The following BCO2 variants were observed in gnomAD, a reference collection of about 807,000 sequenced individuals.
The protein encoded by BCO2 is carotenoid-cleaving dioxygenase, mitochondrial.
Under a neutral mutation model 65.8 loss-of-function variants are expected in BCO2, and 56 were observed. The observed-to-expected ratio is 0.85, with a 90% CI of 0.69 to 1.06. BCO2 has a LOEUF of 1.06. BCO2 is among the 50% of genes least tolerant of loss of function. The pLI is 0.00. For synonymous variants in BCO2, 233 were observed against 242.3 expected (o/e 0.96, Z 0.36); for missense variants, 675 against 698.5 (o/e 0.97, Z 0.38).
At chr11:112,205,896 G>C (rs1347398247) in intron 8 of BCO2, among the ~76,000 whole-genome samples, 2 of 152,076 alleles carry the variant, frequency 1.3e-5, no homozygotes, top group Non-Finnish European at 2.9e-5. Context: ...ACCACACCTG[G>C]CCTCTATTTT....
intron 11 of BCO2, among the ~76,000 whole-genome samples, chr11:112,216,636 C>A (rs1002486428): frequency 6.6e-6 from 1 of 152,148 alleles, no homozygotes; most frequent in African/African-American, 2.4e-5. Context: ...GTAAAGTAAA[C>A]AAGTTGAAGT....
chr11:112,199,236 G>T (rs1867663495), intron 5 of BCO2, among the ~76,000 whole-genome samples: 1 of 152,120 alleles, frequency 6.6e-6, no homozygotes, highest in Non-Finnish European at 1.5e-5. Flanking sequence ...GTGTTAGTTT[G>T]CTGAGAATGA....
chr11:112,180,601 C>T (rs1352266967), intron 2 of BCO2, among the ~76,000 whole-genome samples: 2 of 151,922 alleles, frequency 1.3e-5, no homozygotes, highest in Admixed American at 6.6e-5. Flanking sequence ...ACTGGCTGAG[C>T]CCTGGGTGTG....
intron 8 of BCO2, among the ~76,000 whole-genome samples, chr11:112,205,346 C>A (rs538006551): frequency 6.6e-6 from 1 of 152,280 alleles, no homozygotes; most frequent in African/African-American, 2.4e-5. Flanking sequence ...TAATAGCCAT[C>A]CTTATGAGTG....
chr11:112,179,402 A>G lies in BCO2; in HGVS notation c.213A>G (p.Arg71=). The G allele has an allele frequency of 1.2e-6, 2 of 1,614,194 alleles. No homozygotes were observed. Among genetic ancestry groups the G allele is most frequent in the Admixed American group, 1.7e-5 (1 of 60,022 alleles). The part of the protein sequence containing the change: ...VEEAPRGISA[R]VWGHFPKWLN... ...AGGCTCCACGGGGCATCTCTGCTCGAGTCTGGGGACATTTTCCTAAGTGGC... is the reference window on the plus strand; with the variant it reads ...AGGCTCCACGGGGCATCTCTGCTCGGGTCTGGGGACATTTTCCTAAGTGGC... The change falls in exon 2 of 12, where the codon CGA becomes CGG. Residue 71 remains arginine, a synonymous_variant. Transcript: ENST00000357685.
chr11:112,206,518 G>A (rs1055044286), intron 8 of BCO2, among the ~76,000 whole-genome samples: 1 of 152,158 alleles, frequency 6.6e-6, no homozygotes, highest in African/African-American at 2.4e-5. Flanking sequence ...CAGCACTTTG[G>A]GAGGCCAAGG....
intron 8 of BCO2, among the ~76,000 whole-genome samples, chr11:112,212,122 T>C (rs1859529107): frequency 6.6e-6 from 1 of 152,236 alleles, no homozygotes; most frequent in South Asian, 2.1e-4. Flanking sequence ...TTCTGCATGC[T>C]ACAGAGATCA....
intron 10 of BCO2, 123 bp from the exon 11 acceptor site, chr11:112,216,097 C>T (rs1859668939): frequency 1.5e-6 from 1 of 689,334 alleles, no homozygotes; most frequent in Non-Finnish European, 2.6e-6. Context: ...CCAGCATGAG[C>T]TTTGGAGGGG....
chr11:112,206,258 C>T (rs1056336456), intron 8 of BCO2, among the ~76,000 whole-genome samples: 11 of 151,518 alleles, frequency 7.3e-5, no homozygotes, highest in East Asian at 3.9e-4. Flanking sequence ...CGGGCAGAGG[C>T]GCTCCTCACT....
rs561590794 is a variant in BCO2 at position 112,191,250 on chromosome 11, C to A, written c.294-2224C>A. Among the ~76,000 whole-genome samples, 81 of 151,770 alleles carry A rather than the reference C, an allele frequency of 5.3e-4. 3 individuals are homozygous for A. In the South Asian group the frequency reaches 0.017, roughly 32 times the overall value. ...ATCATATTACTATAATGTATTAATC[C>A]TGGAAAACCATAGAGGATCAATGAT... is the stretch of plus-strand genomic sequence containing the variant. On this transcript the variant is annotated intron_variant, in intron 2 of 11. Transcript: ENST00000357685.
Position 112,192,925 on chromosome 11 carries a change from G to GT in BCO2, c.294-531dup, listed in dbSNP as rs71060229. 2.0e-3 allele frequency among the ~76,000 whole-genome samples: 72 copies of GT among 36,664 alleles called. 2 individuals are homozygous for GT. The highest frequency in any genetic ancestry group is 6.2e-3 in the African/African-American group (59 of 9,534). The allele number at this position is 36,664 out of a possible 152,430, so 24.1% of individuals were successfully genotyped here. ...CAATAGGGGTTTTCTAAAATGTGAG[G>GT]TTTTTTTTTTTTTTTTTTGACAGGG... On this transcript the variant is annotated intron_variant, in intron 2 of 11. Transcript: ENST00000357685.
chr11:112,203,979 G>A (rs1237072681), intron 8 of BCO2, among the ~76,000 whole-genome samples: 1 of 151,786 alleles, frequency 6.6e-6, no homozygotes, highest in Non-Finnish European at 1.5e-5. Context: ...TCAGCCTCCC[G>A]AGTAGCTGGG....
chr11:112,215,554 C>CA (rs1413518364), intron 10 of BCO2: 4 of 153,442 alleles, frequency 2.6e-5, no homozygotes, highest in African/African-American at 9.7e-5. Context: ...ACTAAAAATA[C>CA]AAAAATTAGC....
rs181249733 is a variant in BCO2, at chr11:112,188,630, T to C, written c.294-4844T>C. On this transcript the variant is annotated intron_variant, in intron 2 of 11. Coordinates refer to ENST00000357685, the MANE Select transcript of BCO2 (RefSeq NM_031938.7). ...CTTCTGACCCTTCCTCCTTCCATCA[T>C]CTCTGCCCTTGTCCTCTCTGCAATT... Among the ~76,000 whole-genome samples, 13 of 152,258 alleles carry C rather than the reference T, an allele frequency of 8.5e-5. No individual in the cohort carries two copies. The East Asian group carries it at 1.3e-3, about 16-fold the overall frequency.
chr11:112,186,908 T>C (rs1867215584), intron 2 of BCO2, among the ~76,000 whole-genome samples: 1 of 152,174 alleles, frequency 6.6e-6, no homozygotes, highest in South Asian at 2.1e-4. Context: ...TCAGCACCTT[T>C]AGTCTCTACC....
At chr11:112,217,549 A>G (rs1394990116) in intron 11 of BCO2, among the ~76,000 whole-genome samples, 1 of 151,874 alleles carries the variant, frequency 6.6e-6, no homozygotes, top group Non-Finnish European at 1.5e-5. Flanking sequence ...TTTTATAGAG[A>G]TGGGGTTTTG....
chr11:112,215,683 T>A (rs1566803585), intron 10 of BCO2: 3 of 149,422 alleles, frequency 2.0e-5, no homozygotes, highest in African/African-American at 5.0e-5. Flanking sequence ...CACTCCAGCC[T>A]GGCGACAGTG....
intron 2 of BCO2, among the ~76,000 whole-genome samples, chr11:112,189,445 G>A (rs551837538): frequency 4.6e-4 from 65 of 142,506 alleles, no homozygotes; most frequent in African/African-American, 1.5e-3. Flanking sequence ...TCACTCTGTC[G>A]CCCAGGTTGG....
In BCO2 at chr11:112,217,965, G is replaced by C. The variant is rs1409839419; in HGVS notation, c.*91G>C. 2.2e-5 allele frequency: 20 copies of C among 899,272 alleles called. No homozygotes were observed. The highest frequency in any genetic ancestry group is 2.7e-5 in the Non-Finnish European group (16 of 584,716). The allele number at this position is 899,272 out of a possible 1,614,324, so 55.7% of individuals were successfully genotyped here. A position where few individuals can be genotyped will look rare whatever the true frequency, so the allele number is the denominator to read the frequency against. ...GAAATAAACACTGAGGACTCCAAAA[G>C]GGGGGCAAGGAGGAAGAGGGGCAGG... is the stretch of plus-strand genomic sequence containing the variant. On this transcript the variant is annotated 3_prime_UTR_variant, in exon 12 of 12. Coordinates refer to ENST00000357685, the MANE Select transcript of BCO2 (RefSeq NM_031938.7).
Sources: allele counts gnomAD v4.1 joint callset (sites outside exome capture counted in the v4.1 genomes callset), GRCh38; gene constraint gnomAD v4.1.1; transcripts MANE v1.5; gene names NCBI Gene and HGNC (gene_info 2026-07-23, HGNC 2026-07-21).